ZNF510: variants seen among roughly 807,000 people sequenced by gnomAD.
ZNF510 encodes the protein zinc finger protein 510.
ZNF510 carries 15 observed loss-of-function variants against 18.1 expected under a neutral mutation model. That is an observed-to-expected ratio of 0.83 (90% CI 0.55 to 1.28). ZNF510 has a LOEUF of 1.28. Ranked by LOEUF, ZNF510 falls within the 50% of genes most tolerant of loss-of-function variation. ZNF510 has a pLI of 0.00. For synonymous variants in ZNF510, 261 were observed against 266.4 expected (o/e 0.98, Z 0.20); for missense variants, 724 against 791.8 (o/e 0.91, Z 1.03).
In ZNF510 at chr9:96,760,490, T is replaced by TG; in HGVS notation, c.353-14_353-13insC. 1 of 1,572,854 alleles carries TG rather than the reference T, an allele frequency of 6.4e-7. No individual in the cohort carries two copies. Among genetic ancestry groups the TG allele is most frequent in the Non-Finnish European group, 8.6e-7 (1 of 1,161,324 alleles). On this transcript the variant is annotated splice_polypyrimidine_tract_variant and intron_variant, in intron 5 of 5. Transcript: ENST00000223428. ...CCTCTGTAATCTTCTAAAACAGAAA[T>TG]ATTGAAAACATCTTATGACTCTTAC...
At position 96,759,507 on chromosome 9, in the gene ZNF510, GAA is replaced by G. The variant is rs748588088; in HGVS notation, c.1321_1322del (p.Phe441LeufsTer20). The G allele has an allele frequency of 1.2e-6, 2 of 1,613,704 alleles. No homozygotes were observed. The highest frequency in any genetic ancestry group is 1.3e-5 in the African/African-American group (1 of 74,830). ...GAGTACTGAGGTGTGACTTCTGGGA[GAA>G]AGTTTTTCCACATTCACTACATTCA... is the stretch of plus-strand genomic sequence containing the variant. ...PFECSECGKT[F>X]SQKSHLSTHQ... On this transcript the variant is annotated frameshift_variant, in exon 6 of 6. Transcript: ENST00000223428. LOFTEE classifies it low-confidence loss of function (END_TRUNC).
At chr9:96,764,174 T>C (rs558287120) in intron 3 of ZNF510, among the ~76,000 whole-genome samples, 1 of 135,654 alleles carries the variant, frequency 7.4e-6, no homozygotes, top group South Asian at 2.1e-4. Context: ...TTACTAAAAC[T>C]TTTTTTTTAT....
chr9:96,769,518 G>T (rs1034914578), intron 3 of ZNF510, among the ~76,000 whole-genome samples: 2 of 151,798 alleles, frequency 1.3e-5, no homozygotes, highest in African/African-American at 4.8e-5. Context: ...GATGAAATCA[G>T]GAGTAAACCT....
In ZNF510 at chr9:96,758,642, G is replaced by T; in HGVS notation, c.*136C>A. On this transcript the variant is annotated 3_prime_UTR_variant, in exon 6 of 6. Transcript: ENST00000223428. ...CATCTTCATCTGGTTTCTTTCCTAT[G>T]TGAATTCTCTGATTCACAGTGAGGG... The T allele has an allele frequency of 1.1e-6, 1 of 885,166 alleles. No individual in the cohort carries two copies. Among genetic ancestry groups the T allele is most frequent in the Non-Finnish European group, 1.7e-6 (1 of 601,466 alleles). The allele number at this position is 885,166 out of a possible 1,614,324, so 54.8% of individuals were successfully genotyped here.
chr9:96,763,738 G>A (rs967309785), intron 3 of ZNF510, 106 bp from the exon 4 acceptor site: 36 of 1,075,750 alleles, frequency 3.3e-5, no homozygotes, highest in East Asian at 8.1e-5. Flanking sequence ...AAGCTTAAAC[G>A]AATGTAAAGG....
At chr9:96,763,786 A>G in intron 3 of ZNF510, 154 bp from the exon 4 acceptor site, 1 of 811,470 alleles carries the variant, frequency 1.2e-6, no homozygotes, top group Non-Finnish European at 1.8e-6. Flanking sequence ...TAGACTTTGA[A>G]GGTATTAAAT....
At position 96,758,708 on chromosome 9, in the gene ZNF510, T is replaced by C. The variant is rs77789317; in HGVS notation, c.*70A>G. ...GTCTTCTTACATTCACTACCCTCAA[T>C]TGGTTTTTTGTGTATCTCTGATATC... On this transcript the variant is annotated 3_prime_UTR_variant, in exon 6 of 6. Transcript: ENST00000223428. 2.3e-3 allele frequency: 3,293 copies of C among 1,456,458 alleles called. 69 individuals carry two copies. In the African/African-American group the frequency reaches 0.04, roughly 18 times the overall value. 90.2% of individuals were successfully genotyped at this position (1,456,458 alleles called of 1,614,324 possible). A position where few individuals can be genotyped will look rare whatever the true frequency, so the allele number is the denominator to read the frequency against.
intron 3 of ZNF510, among the ~76,000 whole-genome samples, chr9:96,772,974 C>T (rs1324413278): frequency 6.6e-6 from 1 of 151,868 alleles, no homozygotes; most frequent in African/African-American, 2.4e-5. Flanking sequence ...AAAAAATGCA[C>T]TAAGAGGAGA....
At chr9:96,760,568 T>TTTGA in intron 5 of ZNF510, 91 bp from the exon 6 acceptor site, 1 of 1,174,300 alleles carries the variant, frequency 8.5e-7, no homozygotes, top group Non-Finnish European at 1.2e-6. Flanking sequence ...CACCTAATTA[T>TTTGA]TTGATTTATC....
intron 3 of ZNF510, among the ~76,000 whole-genome samples, chr9:96,773,398 A>T (rs565936995): frequency 6.6e-6 from 1 of 152,318 alleles, no homozygotes; most frequent in East Asian, 1.9e-4. Flanking sequence ...AGGTGGGAAC[A>T]TATTTATTAT....
chr9:96,769,356 G>T (rs192305385), intron 3 of ZNF510, among the ~76,000 whole-genome samples: 1,718 of 151,446 alleles, frequency 0.011, 46 homozygotes, highest in African/African-American at 0.039. Context: ...AGAATCACTT[G>T]AACCCAGGAG....
In ZNF510 at chr9:96,757,263, G is replaced by A. The variant is rs1361482657; in HGVS notation, c.*1515C>T. 1 of 152,198 alleles carries A rather than the reference G, an allele frequency of 6.6e-6. No individual in the cohort carries two copies. The highest frequency in any genetic ancestry group is 2.4e-5 in the African/African-American group (1 of 41,436). 9.4% of individuals were successfully genotyped at this position (152,198 alleles called of 1,614,324 possible). ...AGCAGATATAGCTGGGGTATATGGA[G>A]GTGTCAGGAGGTGTGGGGGCAGTAC... On this transcript the variant is annotated 3_prime_UTR_variant, in exon 6 of 6. Transcript: ENST00000223428.
In ZNF510 at chr9:96,759,153, G is replaced by A. The variant is rs767541772; in HGVS notation, c.1677C>T (p.Leu559=). The A allele has an allele frequency of 6.2e-7, 1 of 1,614,096 alleles. No individual in the cohort carries two copies. The highest frequency in any genetic ancestry group is 8.5e-7 in the Non-Finnish European group (1 of 1,179,982). Residue 559 remains leucine, a synonymous_variant, in exon 6 of 6, where the codon CTC becomes CTT. Coordinates refer to ENST00000223428, the MANE Select transcript of ZNF510 (RefSeq NM_014930.3). ...CEKSFWRKDH[L]IQHQKTHTGE... is the part of the protein sequence containing the mutation. The stretch of plus-strand genomic sequence containing the variant: ...CCGTGTGAGTTTTCTGATGTTGAAT[G>A]AGATGATCTTTTCGCCAGAAGGATT...
intron 3 of ZNF510, among the ~76,000 whole-genome samples, chr9:96,765,137 C>A (rs73554352): frequency 0.026 from 4,012 of 152,106 alleles, 197 homozygotes; most frequent in African/African-American, 0.092. Flanking sequence ...ACAACAACAA[C>A]AAAAAACTGA....
intron 3 of ZNF510, among the ~76,000 whole-genome samples, chr9:96,769,308 A>C (rs1298407960): frequency 6.6e-6 from 1 of 151,986 alleles, no homozygotes; most frequent in Admixed American, 6.6e-5. Flanking sequence ...ATTGTGGTGC[A>C]TGCCTGTAAT....
chr9:96,761,235 C>A (rs950486566), intron 5 of ZNF510, among the ~76,000 whole-genome samples: 1 of 152,116 alleles, frequency 6.6e-6, no homozygotes, highest in Admixed American at 6.5e-5. Context: ...ACCTGATCAT[C>A]CCATCCTGAG....
At chr9:96,775,959 T>C (rs781611753) in intron 2 of ZNF510, 41 bp downstream of exon 2, 1 of 1,583,144 alleles carries the variant, frequency 6.3e-7, no homozygotes, top group Non-Finnish European at 8.6e-7. Context: ...GCTTTTCCTG[T>C]GCAGTCTGAC....
In ZNF510 at chr9:96,774,792, G is replaced by C; in HGVS notation, c.125C>G (p.Ser42Cys). The C allele has an allele frequency of 6.2e-7, 1 of 1,613,324 alleles. No individual in the cohort carries two copies. The highest frequency in any genetic ancestry group is 1.3e-5 in the African/African-American group (1 of 75,010). ...LFQEQQKMNISQASVSFKDVT... is the reference protein window; with the variant it reads ...LFQEQQKMNICQASVSFKDVT... Reference sequence around the variant, plus strand: ...AGGTATTAGTAATTAACTCACCTGAGATATGTTCATTTTCTGCTGCTCCTG... The same window carrying C: ...AGGTATTAGTAATTAACTCACCTGACATATGTTCATTTTCTGCTGCTCCTG... Residue 42 changes from serine to cysteine, a missense_variant, in exon 3 of 6, where the codon TCT (serine) becomes TGT (cysteine). Transcript: ENST00000223428.
chr9:96,760,498 A>C, intron 5 of ZNF510, 21 bp from the exon 6 acceptor site: 3 of 1,560,576 alleles, frequency 1.9e-6, no homozygotes, highest in Non-Finnish European at 2.6e-6. Context: ...AATATTGAAA[A>C]CATCTTATGA....
Sources: gnomAD v4.1 joint callset for allele counts (sites outside exome capture counted in the v4.1 genomes callset) on GRCh38, gnomAD v4.1.1 for gene constraint, MANE v1.5 for transcripts, NCBI Gene and HGNC (gene_info 2026-07-23, HGNC 2026-07-21) for gene names.